The following FAM221A variants were observed in gnomAD, a reference collection of about 807,000 sequenced individuals.
FAM221A encodes the protein protein FAM221A.
A neutral mutation model predicts 37.6 loss-of-function variants in FAM221A; 43 were observed. The ratio of observed to expected loss-of-function variants is 1.15; its 90% CI spans 0.90 to 1.48. The LOEUF (loss-of-function observed/expected upper bound fraction) is 1.48. FAM221A is among the 40% of genes most tolerant of loss of function. The pLI, the probability that FAM221A is intolerant of heterozygous loss-of-function variation, is 0.00. For synonymous variants in FAM221A, 135 were observed against 132.9 expected (o/e 1.02, Z -0.11); for missense variants, 361 against 361.5 (o/e 1.00, Z 0.01).
At chr7:23,698,403 T>A in intron 5 of FAM221A, 104 bp downstream of exon 5, 2 of 695,854 alleles carry the variant, frequency 2.9e-6, no homozygotes, top group South Asian at 1.7e-5. Context: ...TTACGATAAT[T>A]TAACTTCAAG....
At chr7:23,680,692 T>G (rs1041988014) in intron 1 of FAM221A, 2 of 165,468 alleles carry the variant, frequency 1.2e-5, no homozygotes, top group Admixed American at 1.2e-4. Context: ...CACCCCGAGG[T>G]GCTGGTTTTA....
chr7:23,682,844 T>TC (rs1231712620), intron 1 of FAM221A, among the ~76,000 whole-genome samples: 3 of 152,212 alleles, frequency 2.0e-5, no homozygotes, highest in African/African-American at 7.2e-5. Context: ...CTTTTAAAGA[T>TC]CCGTATTTAT....
intron 1 of FAM221A, 91 bp from the exon 2 acceptor site, chr7:23,684,408 C>T (rs572025957): frequency 5.0e-5 from 50 of 993,246 alleles, no homozygotes; most frequent in Middle Eastern, 6.2e-4. Context: ...TAAAAGCTTA[C>T]AAATTTATTT....
At chr7:23,695,714 C>T (rs2128047158) in intron 4 of FAM221A, among the ~76,000 whole-genome samples, 1 of 152,152 alleles carries the variant, frequency 6.6e-6, no homozygotes, top group Non-Finnish European at 1.5e-5. Context: ...ATTTTTTCTT[C>T]TATTATATCT....
rs1261565844 is a variant in FAM221A, at chr7:23,702,511, C to A, written c.*347C>A. 1 of 158,234 alleles carries A rather than the reference C, an allele frequency of 6.3e-6. No homozygotes were observed. Among genetic ancestry groups the A allele is most frequent in the Non-Finnish European group, 1.4e-5 (1 of 72,460 alleles). 9.8% of individuals were successfully genotyped at this position (158,234 alleles called of 1,614,324 possible). The stretch of plus-strand genomic sequence containing the variant: ...CAAGGGTTTTGGACAAACATATGAG[C>A]CATTTTTTTGTCATTCAAAATAGTA... On this transcript the variant is annotated 3_prime_UTR_variant, in exon 7 of 7. Coordinates refer to ENST00000344962, the MANE Select transcript of FAM221A (RefSeq NM_199136.5).
chr7:23,700,389 T>A (rs1165232309), intron 5 of FAM221A, among the ~76,000 whole-genome samples: 1 of 152,236 alleles, frequency 6.6e-6, no homozygotes, highest in East Asian at 1.9e-4. Context: ...TTTTGAAAGA[T>A]TTTGAAGCAG....
At chr7:23,684,246 C>T (rs767844202) in intron 1 of FAM221A, among the ~76,000 whole-genome samples, 3 of 151,676 alleles carry the variant, frequency 2.0e-5, no homozygotes, top group Non-Finnish European at 4.4e-5. Context: ...CCTGGGCAAA[C>T]GCTCGGTGGG....
intron 2 of FAM221A, among the ~76,000 whole-genome samples, chr7:23,685,248 AAAACAAAG>A (rs1386987268): frequency 1.1e-4 from 13 of 117,246 alleles, no homozygotes; most frequent in Non-Finnish European, 1.9e-4. Flanking sequence ...ACTCTGTCTC[AAAACAAAG>A]CAAAACAAAA....
At chr7:23,687,386 G>A (rs1784432733) in intron 2 of FAM221A, 1 of 152,050 alleles carries the variant, frequency 6.6e-6, no homozygotes, top group African/African-American at 2.4e-5. Flanking sequence ...TTTGACAAAA[G>A]GGTTTCACTG....
chr7:23,701,701 T>C (rs1248118415), intron 6 of FAM221A, among the ~76,000 whole-genome samples: 1 of 152,182 alleles, frequency 6.6e-6, no homozygotes, highest in Admixed American at 6.5e-5. Flanking sequence ...ACTGTGGGAA[T>C]ATAGAAACCA....
chr7:23,682,371 ATGTG>A (rs10533703), intron 1 of FAM221A, among the ~76,000 whole-genome samples: 64,326 of 137,772 alleles, frequency 0.47, 15,006 homozygotes, highest in South Asian at 0.59. Flanking sequence ...TGGCTTTATC[ATGTG>A]TGTGTGTGTG....
intron 2 of FAM221A, among the ~76,000 whole-genome samples, chr7:23,684,987 C>T (rs537361710): frequency 8.5e-5 from 13 of 152,196 alleles, no homozygotes; most frequent in East Asian, 5.8e-4. Context: ...CAGTGGCTGA[C>T]GCCTGTAATT....
intron 1 of FAM221A, among the ~76,000 whole-genome samples, chr7:23,681,326 A>G (rs1784025278): frequency 6.6e-6 from 1 of 152,132 alleles, no homozygotes; most frequent in African/African-American, 2.4e-5. Flanking sequence ...GGATATTTAG[A>G]TATGTGAATT....
intron 4 of FAM221A, chr7:23,693,829 T>C (rs1784889429): frequency 6.6e-6 from 1 of 152,232 alleles, no homozygotes; most frequent in African/African-American, 2.4e-5. Flanking sequence ...TACCATATTC[T>C]TTATTTTTAT....
In FAM221A at chr7:23,700,835, T is replaced by C. The variant is rs755508304; in HGVS notation, c.795T>C (p.Asp265=). The change falls in exon 6 of 7, where the codon GAT becomes GAC. Residue 265 remains aspartate, a synonymous_variant. Transcript: ENST00000344962. ...VSSLRRPEED[D]MAFFERRYQE... ...CATTAAGGAGACCTGAAGAGGATGA[T>C]ATGGCTTTCTTTGAAAGACGATACC... 2 of 1,609,674 alleles carry C rather than the reference T, an allele frequency of 1.2e-6. No individual in the cohort carries two copies. Among genetic ancestry groups the C allele is most frequent in the Non-Finnish European group, 1.7e-6 (2 of 1,178,764 alleles).
chr7:23,696,063 C>A (rs547482134), intron 4 of FAM221A, among the ~76,000 whole-genome samples: 3 of 152,272 alleles, frequency 2.0e-5, no homozygotes, highest in South Asian at 2.1e-4. Flanking sequence ...GTTATGTGAA[C>A]ATCATAGAGT....
At chr7:23,701,078 A>G (rs890178500) in intron 6 of FAM221A, among the ~76,000 whole-genome samples, 3 of 152,242 alleles carry the variant, frequency 2.0e-5, no homozygotes, top group African/African-American at 4.8e-5. Context: ...TATGAAGGCC[A>G]TAAAGATTGG....
rs1427470043 is a variant in FAM221A, at chr7:23,702,402, A to G, written c.*238A>G. On this transcript the variant is annotated 3_prime_UTR_variant, in exon 7 of 7. Transcript: ENST00000344962. ...CTCCTGACAAATGAGGTTATTTTAT[A>G]TGAGTCTGTCTGAGAGTACAGTAAA... The G allele has an allele frequency of 1.8e-5, 5 of 278,226 alleles. No homozygotes were observed. The highest frequency in any genetic ancestry group is 6.6e-5 in the African/African-American group (3 of 45,230). 17.2% of individuals were successfully genotyped at this position (278,226 alleles called of 1,614,324 possible).
intron 1 of FAM221A, among the ~76,000 whole-genome samples, chr7:23,681,135 AT>A (rs1321608183): frequency 1.3e-5 from 2 of 152,140 alleles, no homozygotes; most frequent in African/African-American, 4.8e-5. Context: ...AACTGCCTGG[AT>A]ATTCTGAGCC....
Sources: allele counts gnomAD v4.1 joint callset (sites outside exome capture counted in the v4.1 genomes callset), GRCh38; gene constraint gnomAD v4.1.1; transcripts MANE v1.5; gene names NCBI Gene and HGNC (gene_info 2026-07-23, HGNC 2026-07-21).